MOCS2: variants seen among roughly 807,000 people sequenced by gnomAD.
The protein encoded by MOCS2 is molybdenum cofactor synthesis 2, also known as molybdopterin synthase catalytic subunit.
Under a neutral mutation model 21.9 loss-of-function variants are expected in MOCS2, and 13 were observed. The ratio of observed to expected loss-of-function variants is 0.59; its 90% CI spans 0.39 to 0.94. The LOEUF (loss-of-function observed/expected upper bound fraction) is 0.94, where lower values mean the gene tolerates loss of function less well. MOCS2 is among the 40% of genes least tolerant of loss of function. The pLI, the probability that MOCS2 is intolerant of heterozygous loss-of-function variation, is 0.00. For missense variants in MOCS2, 227 were observed against 218.3 expected (o/e 1.04, Z -0.25); for synonymous variants, 92 against 80.8 (o/e 1.14, Z -0.74).
In MOCS2 at chr5:53,107,135, C is replaced by A. The variant is rs1459340714; in HGVS notation, c.40G>T (p.Glu14Ter). The change falls in exon 3 of 7, where the codon GAG (glutamate) becomes TAG (stop). Residue 14 changes from glutamate to a stop codon, truncating the protein, a stop_gained. Coordinates refer to ENST00000396954, the MANE Select transcript of MOCS2 (RefSeq NM_004531.5). LOFTEE classifies it high-confidence loss of function. ...LEISSSCFSL[E>*]TKLPLSPPLV... Reference sequence around the variant, plus strand: ...GGGGGGGATAACGGCAATTTCGTCTCCAGGCTGAAGCACGAGGAGCTGATC... The same window carrying A: ...GGGGGGGATAACGGCAATTTCGTCTACAGGCTGAAGCACGAGGAGCTGATC... 1 of 1,614,124 alleles carries A rather than the reference C, an allele frequency of 6.2e-7. No homozygotes were observed.
intron 4 of MOCS2, 45 bp from the exon 5 acceptor site, chr5:53,101,554 T>G: frequency 7.1e-7 from 1 of 1,399,430 alleles, no homozygotes; most frequent in Non-Finnish European, 1.0e-6. Context: ...TAAAATAAGG[T>G]TTTTCCCTAC....
Position 53,098,569 on chromosome 5 carries a change from A to C in MOCS2, c.*33T>G, listed in dbSNP as rs1465000758. 6.3e-7 allele frequency: 1 copy of C among 1,578,536 alleles called. No individual in the cohort carries two copies. The highest frequency in any genetic ancestry group is 8.7e-7 in the Non-Finnish European group (1 of 1,147,956). On this transcript the variant is annotated 3_prime_UTR_variant, in exon 7 of 7. Transcript: ENST00000396954. ...GTGATCAATAATAATAGTTTAACAA[A>C]GTTAAGATTGCATGCTCTAAAAACA...
Position 53,100,496 on chromosome 5 carries a change from A to G in MOCS2, c.416T>C (p.Val139Ala), listed in dbSNP as rs1226684087. ...PVSEASIIIA[V>A]SSAHRAASLE... Reference sequence around the variant, plus strand: ...AGATGCAGCTCTGTGGGCTGAGGACACAGCAATGATTATGCTTGCTTCTGA... The same window carrying G: ...AGATGCAGCTCTGTGGGCTGAGGACGCAGCAATGATTATGCTTGCTTCTGA... The change falls in exon 6 of 7, where the codon GTG becomes GCG. Residue 139 changes from valine to alanine, a missense_variant. Val to Ala is a moderately conservative substitution (Grantham distance 64, BLOSUM62 0). Transcript: ENST00000396954. 6.2e-7 allele frequency: 1 copy of G among 1,613,876 alleles called. No individual in the cohort carries two copies. Among genetic ancestry groups the G allele is most frequent in the East Asian group, 2.2e-5 (1 of 44,868 alleles).
At chr5:53,108,420 C>T (rs1741109177) in intron 2 of MOCS2, 102 bp downstream of exon 2, 2 of 1,145,614 alleles carry the variant, frequency 1.7e-6, no homozygotes. Context: ...TTCTTTTTGA[C>T]ATTAAGCACG....
At chr5:53,106,227 T>C (rs1741044702) in intron 3 of MOCS2, among the ~76,000 whole-genome samples, 1 of 152,224 alleles carries the variant, frequency 6.6e-6, no homozygotes, top group Admixed American at 6.5e-5. Flanking sequence ...ATAATCGTTC[T>C]GTCATAAAGA....
chr5:53,106,643 G>A (rs192118408), intron 3 of MOCS2, among the ~76,000 whole-genome samples: 92 of 152,222 alleles, frequency 6.0e-4, no homozygotes, highest in South Asian at 1.7e-3. Context: ...ACAAGAAACC[G>A]CCATGATACA....
chr5:53,108,994 G>C (rs1297017632), intron 1 of MOCS2, among the ~76,000 whole-genome samples: 1 of 152,210 alleles, frequency 6.6e-6, no homozygotes, highest in Non-Finnish European at 1.5e-5. Flanking sequence ...ACAAATGTTT[G>C]AGTCAAGAGA....
chr5:53,109,495 G>A lies in MOCS2; in HGVS notation c.-414C>T. On this transcript the variant is annotated 5_prime_UTR_variant, in exon 1 of 7. Coordinates refer to ENST00000396954, the MANE Select transcript of MOCS2 (RefSeq NM_004531.5). ...GTGAGCTGACAAGAGTTCTCGGAGAGGACCCGACTTCTGCTGGGGCAGTCG... is the reference window on the plus strand; with the variant it reads ...GTGAGCTGACAAGAGTTCTCGGAGAAGACCCGACTTCTGCTGGGGCAGTCG... 2 of 1,345,502 alleles carry A rather than the reference G, an allele frequency of 1.5e-6. No individual in the cohort carries two copies. Among genetic ancestry groups the A allele is most frequent in the Non-Finnish European group, 9.5e-7 (1 of 1,049,888 alleles). 83.3% of individuals were successfully genotyped at this position (1,345,502 alleles called of 1,614,324 possible).
At chr5:53,103,060 C>T (rs1740958770) in intron 3 of MOCS2, among the ~76,000 whole-genome samples, 1 of 151,942 alleles carries the variant, frequency 6.6e-6, no homozygotes, top group African/African-American at 2.4e-5. Context: ...ATCTGACGGG[C>T]TCACATTCCT....
intron 1 of MOCS2, 77 bp downstream of exon 1, chr5:53,109,174 G>A: frequency 2.0e-6 from 1 of 501,328 alleles, no homozygotes; most frequent in Non-Finnish European, 2.6e-6. Flanking sequence ...TGAAACACAC[G>A]ACAGACTGGA....
chr5:53,100,843 G>C, intron 5 of MOCS2: 1 of 376,808 alleles, frequency 2.7e-6, no homozygotes, highest in Non-Finnish European at 4.9e-6. Flanking sequence ...GCCAAGTAAT[G>C]CCTAGAAATA....
chr5:53,102,325 G>A (rs1034836236), intron 3 of MOCS2, 101 bp from the exon 4 acceptor site: 38 of 1,164,184 alleles, frequency 3.3e-5, no homozygotes, highest in South Asian at 2.2e-4. Flanking sequence ...ACATTATGTC[G>A]ATGTAAAAGG....
intron 3 of MOCS2, among the ~76,000 whole-genome samples, chr5:53,106,222 C>A (rs1741043795): frequency 6.6e-6 from 1 of 152,196 alleles, no homozygotes; most frequent in Non-Finnish European, 1.5e-5. Flanking sequence ...GAAATATAAT[C>A]GTTCTGTCAT....
Position 53,100,116 on chromosome 5 carries a change from A to T in MOCS2, c.501+295T>A, listed in dbSNP as rs551252093. Among the ~76,000 whole-genome samples, 11 of 152,278 alleles carry T rather than the reference A, an allele frequency of 7.2e-5. No individual in the cohort carries two copies. The South Asian group carries it at 2.3e-3, about 32-fold the overall frequency. ...ATTATTCTCACTCTCCAACAGAAAG[A>T]CCCTCTAATTCAAGGGAATTATAAT... On this transcript the variant is annotated intron_variant, in intron 6 of 6. Transcript: ENST00000396954.
chr5:53,098,713 T>C (rs1302057930), intron 6 of MOCS2, 46 bp from the exon 7 acceptor site: 5 of 1,248,024 alleles, frequency 4.0e-6, no homozygotes, highest in Non-Finnish European at 5.9e-6. Context: ...ACCATTCTAC[T>C]ATACGAATAT....
chr5:53,105,570 TA>T (rs1158016422), intron 3 of MOCS2, among the ~76,000 whole-genome samples: 1 of 152,134 alleles, frequency 6.6e-6, no homozygotes, highest in African/African-American at 2.4e-5. Flanking sequence ...ATACAAATAT[TA>T]ACTCAAAATG....
Position 53,109,729 on chromosome 5 carries a change from T to TC in MOCS2, c.-649dup. Reference sequence around the variant, plus strand: ...ACCCTTACCTGGCACAGCGGCACCATCCCGCCTAGGACAGCGGGACCGAAT... The same window carrying TC: ...ACCCTTACCTGGCACAGCGGCACCATCCCCGCCTAGGACAGCGGGACCGAAT... On this transcript the variant is annotated 5_prime_UTR_variant, in exon 1 of 7. Transcript: ENST00000396954. The TC allele has an allele frequency of 1.3e-6, 2 of 1,550,990 alleles. No individual in the cohort carries two copies. The highest frequency in any genetic ancestry group is 2.7e-5 in the African/African-American group (2 of 73,130).
In MOCS2 at chr5:53,101,512, T is replaced by C. The variant is rs773212243; in HGVS notation, c.227-3A>G. Reference sequence around the variant, plus strand: ...TTCAAAGTTATTTCTTGTAGTCCCTTTAAAAATGAAAAAAAAGAAAAAGAA... The same window carrying C: ...TTCAAAGTTATTTCTTGTAGTCCCTCTAAAAATGAAAAAAAAGAAAAAGAA... On this transcript the variant is annotated splice_region_variant and splice_polypyrimidine_tract_variant and intron_variant, in intron 4 of 6. Transcript: ENST00000396954. 4 of 1,580,284 alleles carry C rather than the reference T, an allele frequency of 2.5e-6. No homozygotes were observed. The South Asian group carries it at 4.5e-5, about 18-fold the overall frequency.
Position 53,098,230 on chromosome 5 carries a change from C to T in MOCS2, c.*372G>A, listed in dbSNP as rs753919594. The T allele has an allele frequency of 3.1e-4, 67 of 217,722 alleles. No homozygotes were observed. The highest frequency in any genetic ancestry group is 4.6e-4 in the Non-Finnish European group (50 of 108,910). The allele number at this position is 217,722 out of a possible 1,614,324, so 13.5% of individuals were successfully genotyped here. On this transcript the variant is annotated 3_prime_UTR_variant, in exon 7 of 7. Transcript: ENST00000396954. ...GCTCTCCCAGAACCGGGATGGGGGG[C>T]GGTGAGGTGGGGTTGGTGGGGGAGT...
Sources: allele counts gnomAD v4.1 joint callset (sites outside exome capture counted in the v4.1 genomes callset), GRCh38; gene constraint gnomAD v4.1.1; transcripts MANE v1.5; gene names NCBI Gene and HGNC (gene_info 2026-07-23, HGNC 2026-07-21).